The following RTN4 variants were observed in gnomAD, a reference collection of about 807,000 sequenced individuals.
RTN4 encodes reticulon 4.
In RTN4, 32 loss-of-function variants were observed where a neutral mutation model predicts 90.4. That is an observed-to-expected ratio of 0.35 (90% CI 0.27 to 0.48). RTN4 has a LOEUF of 0.48. RTN4 is among the 20% of genes least tolerant of loss of function. The pLI, the probability that RTN4 is intolerant of heterozygous loss-of-function variation, is 0.99. For missense variants in RTN4, 1,706 were observed against 1,430.2 expected (o/e 1.19, Z -3.11); for synonymous variants, 629 against 552.5 (o/e 1.14, Z -1.94).
chr2:55,097,866 C>A (rs1190267898), intron 1 of RTN4, among the ~76,000 whole-genome samples: 1 of 151,988 alleles, frequency 6.6e-6, no homozygotes, highest in Non-Finnish European at 1.5e-5. Flanking sequence ...TAGGCAAGAG[C>A]AGGAAAAGTG....
At chr2:55,010,240 C>A in intron 3 of RTN4, 1 of 1,566,940 alleles carries the variant, frequency 6.4e-7, no homozygotes, top group South Asian at 1.2e-5. Context: ...CCGAAGTCTG[C>A]AGTCTCCTCT....
At chr2:54,976,128 G>T (rs1677612842) in intron 5 of RTN4, among the ~76,000 whole-genome samples, 1 of 152,162 alleles carries the variant, frequency 6.6e-6, no homozygotes, top group Non-Finnish European at 1.5e-5. Context: ...GAAAAGTGTT[G>T]ACCTTCCATA....
the RTN4 span, among the ~76,000 whole-genome samples, chr2:55,127,612 C>T: frequency 6.6e-6 from 1 of 152,208 alleles, no homozygotes; most frequent in African/African-American, 2.4e-5. Flanking sequence ...CATAATACCC[C>T]ACACAAGCTG....
At chr2:55,050,598 T>G, upstream of RTN4, 1 of 266,494 alleles carries the variant, frequency 3.8e-6, no homozygotes, top group Middle Eastern at 1.0e-3. This position sits in a 1 kb window ranked among gnomAD's most constrained non-coding sequence, Gnocchi z 4.6. Flanking sequence ...GGGCAGGGAC[T>G]GGCGCGGGAG....
chr2:55,005,215 T>G (rs1350896614), intron 3 of RTN4, among the ~76,000 whole-genome samples: 1 of 152,026 alleles, frequency 6.6e-6, no homozygotes, highest in African/African-American at 2.4e-5. Flanking sequence ...ATGATTAGAG[T>G]TGCACTTTGG....
chr2:55,124,173 T>A, the RTN4 span, among the ~76,000 whole-genome samples: 2 of 152,362 alleles, frequency 1.3e-5, no homozygotes, highest in Non-Finnish European at 1.5e-5. Flanking sequence ...CCTTCTCTGA[T>A]GAACTTCTTC....
chr2:55,075,087 A>T (rs576119963), intron 2 of RTN4, among the ~76,000 whole-genome samples: 4 of 152,320 alleles, frequency 2.6e-5, no homozygotes, highest in East Asian at 3.9e-4. Context: ...GAGCAATCAG[A>T]AAAGAGAAAG....
chr2:55,105,677 A>G (rs991803841), intron 1 of RTN4, among the ~76,000 whole-genome samples: 1 of 152,068 alleles, frequency 6.6e-6, no homozygotes, highest in Admixed American at 6.6e-5. Flanking sequence ...TGTAGTCAAA[A>G]GCAATCTTTT....
chr2:55,087,400 T>C (rs1668860895), intron 1 of RTN4, among the ~76,000 whole-genome samples: 1 of 152,238 alleles, frequency 6.6e-6, no homozygotes, highest in Non-Finnish European at 1.5e-5. Context: ...TGTTATACTT[T>C]TACAACATAT....
the RTN4 span, among the ~76,000 whole-genome samples, chr2:55,124,422 C>T: frequency 6.6e-6 from 1 of 152,174 alleles, no homozygotes; most frequent in Non-Finnish European, 1.5e-5. Flanking sequence ...AAGAGGTGGC[C>T]TTCAAACCAA....
chr2:55,037,430 T>C lies in RTN4; in HGVS notation c.557-9210A>G, dbSNP rs74835481. Among the ~76,000 whole-genome samples the C allele has an allele frequency of 4.3e-3, 653 of 152,354 alleles. 3 individuals are homozygous for C. Among genetic ancestry groups the C allele is most frequent in the African/African-American group, 0.015 (625 of 41,580 alleles). On this transcript the variant is annotated intron_variant, in intron 1 of 8. Coordinates refer to ENST00000337526, the MANE Select transcript of RTN4 (RefSeq NM_020532.5). ...CAGCAACTAGCAGCCATGCTTATTATATGACACAAAAGATTTGTTTCCCTA... is the reference window on the plus strand; with the variant it reads ...CAGCAACTAGCAGCCATGCTTATTACATGACACAAAAGATTTGTTTCCCTA...
At position 55,049,890 on chromosome 2, in the gene RTN4, G is replaced by A. The variant is rs1573479172; in HGVS notation, c.411C>T (p.Asp137=). ...AVSPSKLPED[D]EPPARPPPPP... is the part of the protein sequence containing the mutation. Reference sequence around the variant, plus strand: ...GAGGGGGAGGCCGGGCCGGAGGCTCGTCGTCCTCAGGGAGCTTGGAGGGCG... The same window carrying A: ...GAGGGGGAGGCCGGGCCGGAGGCTCATCGTCCTCAGGGAGCTTGGAGGGCG... Residue 137 remains aspartate (D), a synonymous_variant, in exon 1 of 9, where the codon GAC becomes GAT. Transcript: ENST00000337526. 2 of 1,321,188 alleles carry A rather than the reference G, an allele frequency of 1.5e-6. No homozygotes were observed. Among genetic ancestry groups the A allele is most frequent in the African/African-American group, 1.5e-5 (1 of 64,766 alleles). The allele number at this position is 1,321,188 out of a possible 1,614,324, so 81.8% of individuals were successfully genotyped here. A position where few individuals can be genotyped will look rare whatever the true frequency, so the allele number is the denominator to read the frequency against.
At chr2:55,134,219 T>C in the RTN4 span, among the ~76,000 whole-genome samples, 1 of 149,862 alleles carries the variant, frequency 6.7e-6, no homozygotes, top group African/African-American at 2.4e-5. Context: ...TCACGTGGGT[T>C]TTGATTGATT....
At chr2:55,044,647 C>A (rs1558847151) in intron 1 of RTN4, among the ~76,000 whole-genome samples, 1 of 151,884 alleles carries the variant, frequency 6.6e-6, no homozygotes, top group African/African-American at 2.4e-5. Flanking sequence ...TATAACATGG[C>A]AAATCCTTTA....
chr2:55,093,780 TTAAC>T (rs537989441), intron 1 of RTN4, among the ~76,000 whole-genome samples: 325 of 152,322 alleles, frequency 2.1e-3, no homozygotes, highest in African/African-American at 7.4e-3. Flanking sequence ...TGAGGGCCCC[TTAAC>T]TAACTCCCTG....
intron 1 of RTN4, among the ~76,000 whole-genome samples, chr2:55,104,202 C>A (rs1667902264): frequency 6.6e-6 from 1 of 151,466 alleles, no homozygotes; most frequent in African/African-American, 2.4e-5. Flanking sequence ...AGACACGCAC[C>A]ACCACACACG....
At position 54,972,863 on chromosome 2, in the gene RTN4, C is replaced by CA; in HGVS notation, c.*292dup. 1 of 262,080 alleles carries CA rather than the reference C, an allele frequency of 3.8e-6. No individual in the cohort carries two copies. The highest frequency in any genetic ancestry group is 7.0e-6 in the Non-Finnish European group (1 of 142,390). 16.2% of individuals were successfully genotyped at this position (262,080 alleles called of 1,614,324 possible). A position where few individuals can be genotyped will look rare whatever the true frequency, so the allele number is the denominator to read the frequency against. Reference sequence around the variant, plus strand: ...CAAGATGCGGCAAGACTATCTGCAACAAAGTAAAATATACAGGTTTTTTAT... The same window carrying CA: ...CAAGATGCGGCAAGACTATCTGCAACAAAAGTAAAATATACAGGTTTTTTAT... On this transcript the variant is annotated 3_prime_UTR_variant, in exon 9 of 9. Coordinates refer to ENST00000337526, the MANE Select transcript of RTN4 (RefSeq NM_020532.5).
At chr2:55,052,391 T>G (rs1484085765), upstream of RTN4, among the ~76,000 whole-genome samples, 1 of 152,206 alleles carries the variant, frequency 6.6e-6, no homozygotes, top group Non-Finnish European at 1.5e-5. Flanking sequence ...AAATAAAGTT[T>G]ATGAACCTTT....
chr2:55,108,457 G>A (rs924966077), intron 1 of RTN4, among the ~76,000 whole-genome samples: 1 of 152,052 alleles, frequency 6.6e-6, no homozygotes, highest in African/African-American at 2.4e-5. Context: ...ATTCCACTCA[G>A]GGTGAATGAT....
Sources: gnomAD v4.1 joint callset for allele counts (sites outside exome capture counted in the v4.1 genomes callset) on GRCh38, gnomAD v4.1.1 for gene constraint, Gnocchi (gnomAD v3.1) non-coding constraint, MANE v1.5 for transcripts, NCBI Gene and HGNC (gene_info 2026-07-23, HGNC 2026-07-21) for gene names.